The following CNTN5 variants were observed in gnomAD, a reference collection of about 807,000 sequenced individuals.
CNTN5 encodes the protein contactin-5.
CNTN5 carries 77 observed loss-of-function variants against 129.1 expected under a neutral mutation model. The observed-to-expected ratio is 0.60, with a 90% CI of 0.50 to 0.72. CNTN5 has a LOEUF of 0.72. Among genes scored for constraint, CNTN5 ranks in the 30% least tolerant of loss-of-function variants. CNTN5 has a pLI of 0.00. For missense variants in CNTN5, 1,478 were observed against 1,328.8 expected (o/e 1.11, Z -1.75); for synonymous variants, 509 against 465.6 (o/e 1.09, Z -1.20).
intron 1 of CNTN5, among the ~76,000 whole-genome samples, chr11:99,123,964 G>A (rs897541748): frequency 6.6e-6 from 1 of 151,858 alleles, no homozygotes; most frequent in African/African-American, 2.4e-5. Flanking sequence ...AGTATAGTTT[G>A]TGATTCCTCT....
intron 10 of CNTN5, among the ~76,000 whole-genome samples, chr11:100,067,174 A>G (rs10894385): frequency 0.12 from 18,296 of 152,090 alleles, 1,345 homozygotes; most frequent in Non-Finnish European, 0.16. Flanking sequence ...AAGGATAGCC[A>G]TTCATAAATT....
chr11:100,239,132 T>C (rs1949685443), intron 16 of CNTN5, among the ~76,000 whole-genome samples: 1 of 152,208 alleles, frequency 6.6e-6, no homozygotes, highest in African/African-American at 2.4e-5. Context: ...TTAACATCTA[T>C]TTATATTATT....
At chr11:99,918,350 T>A (rs1364437893) in intron 7 of CNTN5, among the ~76,000 whole-genome samples, 1 of 152,110 alleles carries the variant, frequency 6.6e-6, no homozygotes, top group Non-Finnish European at 1.5e-5. Context: ...AAAGCACACA[T>A]ACAAAACAAA....
chr11:100,037,301 C>A (rs1081351), intron 9 of CNTN5, among the ~76,000 whole-genome samples: 66,794 of 150,280 alleles, frequency 0.44, 15,512 homozygotes, highest in African/African-American at 0.57. Context: ...ACCAGCCTTG[C>A]ATCCCAGGGA....
chr11:99,470,506 C>A (rs974075760), intron 2 of CNTN5, among the ~76,000 whole-genome samples: 1 of 151,932 alleles, frequency 6.6e-6, no homozygotes, highest in Non-Finnish European at 1.5e-5. Context: ...CAATTTAGTT[C>A]ATTTTCTTCC....
chr11:99,193,867 C>A (rs1858767799), intron 1 of CNTN5, among the ~76,000 whole-genome samples: 1 of 152,054 alleles, frequency 6.6e-6, no homozygotes. Flanking sequence ...TAATCAGACA[C>A]CTTGAGGAAA....
At chr11:99,207,551 A>G (rs1289276920) in intron 1 of CNTN5, among the ~76,000 whole-genome samples, 1 of 152,130 alleles carries the variant, frequency 6.6e-6, no homozygotes, top group Admixed American at 6.6e-5. Flanking sequence ...CACTATAACA[A>G]GGTTTTTCTA....
rs1225605204 is a variant in CNTN5, at chr11:99,151,366, T to C, written c.-210+130096T>C. Among the ~76,000 whole-genome samples the C allele has an allele frequency of 2.6e-5, 4 of 152,324 alleles. No homozygotes were observed. The East Asian group carries it at 7.7e-4, about 29-fold the overall frequency. On this transcript the variant is annotated intron_variant, in intron 1 of 24. Coordinates refer to ENST00000524871, the MANE Select transcript of CNTN5 (RefSeq NM_014361.4). ...GAGGATTATTCTTTAAATCATGTTA[T>C]ACTCAGACAGCTGTCTTCATAGAAA... is the stretch of plus-strand genomic sequence containing the variant.
chr11:99,708,687 G>T (rs1238107839), intron 3 of CNTN5, among the ~76,000 whole-genome samples: 1 of 151,490 alleles, frequency 6.6e-6, no homozygotes, highest in Admixed American at 6.6e-5. Flanking sequence ...TCTCACTGTG[G>T]GGTGAATGCA....
At chr11:99,608,397 C>A (rs1362072030) in intron 3 of CNTN5, among the ~76,000 whole-genome samples, 2 of 152,078 alleles carry the variant, frequency 1.3e-5, no homozygotes, top group African/African-American at 4.8e-5. Context: ...TGAATTTTGT[C>A]TTACAAGGAA....
intron 1 of CNTN5, among the ~76,000 whole-genome samples, chr11:99,152,399 C>A (rs1860109261): frequency 6.6e-6 from 1 of 152,118 alleles, no homozygotes; most frequent in Admixed American, 6.6e-5. Flanking sequence ...TTATATAACA[C>A]CCTTCTTTGT....
intron 6 of CNTN5, among the ~76,000 whole-genome samples, chr11:99,857,319 A>G (rs1948071662): frequency 6.6e-6 from 1 of 152,148 alleles, no homozygotes; most frequent in African/African-American, 2.4e-5. Flanking sequence ...CACTTGGTGA[A>G]TGCTGGCGTG....
intron 13 of CNTN5, among the ~76,000 whole-genome samples, chr11:100,134,025 A>G (rs2138221187): frequency 6.6e-6 from 1 of 152,314 alleles, no homozygotes; most frequent in East Asian, 1.9e-4. Context: ...CAGGATAGAA[A>G]TCAGAAAAGC....
intron 2 of CNTN5, among the ~76,000 whole-genome samples, chr11:99,451,403 A>T (rs2656174): frequency 0.49 from 74,371 of 151,826 alleles, 18,895 homozygotes; most frequent in East Asian, 0.65. Flanking sequence ...ACATCAAAAT[A>T]TTACAAATGG....
chr11:100,086,283 G>T (rs959368970), intron 13 of CNTN5, among the ~76,000 whole-genome samples: 1 of 149,836 alleles, frequency 6.7e-6, no homozygotes, highest in African/African-American at 2.4e-5. Context: ...TTAAAGTTAC[G>T]ACTTAAATAT....
chr11:99,684,394 A>C (rs949007728), intron 3 of CNTN5, among the ~76,000 whole-genome samples: 1 of 151,836 alleles, frequency 6.6e-6, no homozygotes, highest in African/African-American at 2.4e-5. Context: ...TACTAAGTCC[A>C]CTTAACAACT....
chr11:100,016,492 T>C (rs1352154262), intron 9 of CNTN5, among the ~76,000 whole-genome samples: 1 of 152,110 alleles, frequency 6.6e-6, no homozygotes, highest in African/African-American at 2.4e-5. Context: ...TAGCTCATTC[T>C]TCGTTGCCTT....
chr11:99,124,897 C>G (rs1858541946), intron 1 of CNTN5, among the ~76,000 whole-genome samples: 1 of 151,930 alleles, frequency 6.6e-6, no homozygotes, highest in Non-Finnish European at 1.5e-5. Flanking sequence ...ACACATACAA[C>G]CTCCTAAACT....
intron 1 of CNTN5, among the ~76,000 whole-genome samples, chr11:99,204,394 A>G (rs10790531): frequency 0.52 from 78,361 of 151,962 alleles, 20,457 homozygotes; most frequent in African/African-American, 0.61. Context: ...GAAAATGTTA[A>G]GGTTTGAGAT....
Sources: allele counts gnomAD v4.1 joint callset (sites outside exome capture counted in the v4.1 genomes callset), GRCh38; gene constraint gnomAD v4.1.1; transcripts MANE v1.5; gene names NCBI Gene and HGNC (gene_info 2026-07-23, HGNC 2026-07-21).